The following KSR2 variants were observed in gnomAD, a reference collection of about 807,000 sequenced individuals.
The protein encoded by KSR2 is kinase suppressor of ras 2.
In KSR2, 25 loss-of-function variants were observed where a neutral mutation model predicts 107.8. The observed-to-expected ratio is 0.23, with a 90% CI of 0.17 to 0.32. The LOEUF is 0.32. Ranked by LOEUF, KSR2 falls within the 10% of genes least tolerant of loss-of-function variation. The probability of loss-of-function intolerance (pLI) is 1.00; values close to 1 mark genes in which losing one functional copy is unlikely to be tolerated. For synonymous variants in KSR2, 480 were observed against 507.0 expected (o/e 0.95, Z 0.71); for missense variants, 887 against 1,268.9 (o/e 0.70, Z 4.57).
chr12:117,529,839 C>A (rs1046511912), intron 12 of KSR2, among the ~76,000 whole-genome samples: 2 of 148,252 alleles, frequency 1.3e-5, no homozygotes, highest in African/African-American at 2.5e-5. Flanking sequence ...CCTGTCTCTA[C>A]AAAAATAAAA....
intron 5 of KSR2, among the ~76,000 whole-genome samples, chr12:117,614,925 T>C (rs1881791678): frequency 6.6e-6 from 1 of 152,144 alleles, no homozygotes; most frequent in African/African-American, 2.4e-5. Context: ...TGCTAAGACT[T>C]GGACTGAATT....
chr12:117,857,218 C>G (rs1040010641), intron 2 of KSR2, among the ~76,000 whole-genome samples: 2 of 152,090 alleles, frequency 1.3e-5, no homozygotes, highest in Non-Finnish European at 2.9e-5. Context: ...ACCAACATGC[C>G]TGGCTAATTT....
chr12:117,808,399 G>A (rs1381325301), intron 3 of KSR2, among the ~76,000 whole-genome samples: 2 of 152,016 alleles, frequency 1.3e-5, no homozygotes, highest in African/African-American at 4.8e-5. Context: ...ACCTCGATAA[G>A]TGGGAAATCA....
At chr12:117,899,173 A>G (rs75603823) in intron 1 of KSR2, among the ~76,000 whole-genome samples, 1,844 of 152,294 alleles carry the variant, frequency 0.012, 33 homozygotes, top group African/African-American at 0.042. Flanking sequence ...TACAACCGTG[A>G]AATAAACTGT....
intron 1 of KSR2, among the ~76,000 whole-genome samples, chr12:117,925,387 C>T (rs1390163490): frequency 1.3e-5 from 2 of 152,094 alleles, no homozygotes; most frequent in Non-Finnish European, 2.9e-5. Context: ...GCCTCCCAAA[C>T]TGCTGAGATT....
At chr12:117,690,030 G>C (rs1423325245) in intron 4 of KSR2, among the ~76,000 whole-genome samples, 1 of 151,792 alleles carries the variant, frequency 6.6e-6, no homozygotes, top group Non-Finnish European at 1.5e-5. Flanking sequence ...AAGGAGGGAA[G>C]AATGAATGGA....
rs374220992 is a variant in KSR2 at position 117,527,077 on chromosome 12, C to T, written c.1845G>A (p.Thr615=). ...ACTGCTCTCTGATTCTCACCTCCGA[C>T]GTTGGCTCCACTTCAATTTGAAGTA... ...NPLLQIEVEP[T]SENEEVHDEA... The change falls in exon 13 of 20, where the codon ACG becomes ACA. Residue 615 remains threonine, a synonymous_variant. Transcript: ENST00000339824. The T allele has an allele frequency of 1.2e-5, 20 of 1,613,538 alleles. No individual in the cohort carries two copies. In the Admixed American group the frequency reaches 1.3e-4, roughly 11 times the overall value.
At chr12:117,615,929 G>A (rs527682977) in intron 5 of KSR2, among the ~76,000 whole-genome samples, 1 of 152,260 alleles carries the variant, frequency 6.6e-6, no homozygotes, top group East Asian at 1.9e-4. Flanking sequence ...GAGACAGGTG[G>A]GTCACTTGAG....
intron 1 of KSR2, among the ~76,000 whole-genome samples, chr12:117,936,285 C>T (rs924540790): frequency 6.6e-6 from 1 of 151,986 alleles, no homozygotes; most frequent in African/African-American, 2.4e-5. Flanking sequence ...GCCTTGACCT[C>T]CCAAAGTGCT....
chr12:117,579,961 T>C (rs1323581276), intron 6 of KSR2, among the ~76,000 whole-genome samples: 3 of 152,128 alleles, frequency 2.0e-5, no homozygotes, highest in Non-Finnish European at 4.4e-5. Flanking sequence ...CCCCAAGAGA[T>C]ATGAGGCAGC....
At chr12:117,957,831 CTTTTT>C (rs566320050) in intron 1 of KSR2, among the ~76,000 whole-genome samples, 5 of 137,062 alleles carry the variant, frequency 3.6e-5, no homozygotes, top group African/African-American at 1.1e-4. Context: ...GGCTGACCAC[CTTTTT>C]TTTTTTTTTT....
rs542823613 is a variant in KSR2 at position 117,544,879 on chromosome 12, T to C, written c.1519-4992A>G. 2.0e-5 allele frequency among the ~76,000 whole-genome samples: 3 copies of C among 152,316 alleles called. No homozygotes were observed. In the South Asian group the frequency reaches 6.2e-4, roughly 32 times the overall value. On this transcript the variant is annotated intron_variant, in intron 9 of 19. Coordinates refer to ENST00000339824, the MANE Select transcript of KSR2 (RefSeq NM_173598.6). Reference sequence around the variant, plus strand: ...CTTCCAGCATTGTGTTGAATAAGAATGGTGAGAGTGGATGTCCTAGCTTGT... The same window carrying C: ...CTTCCAGCATTGTGTTGAATAAGAACGGTGAGAGTGGATGTCCTAGCTTGT...
At chr12:117,752,586 G>A (rs925342996) in intron 4 of KSR2, among the ~76,000 whole-genome samples, 18 of 152,118 alleles carry the variant, frequency 1.2e-4, no homozygotes, top group Non-Finnish European at 1.5e-4. Context: ...CTGTGACAAG[G>A]GAAATGGAGA....
intron 14 of KSR2, among the ~76,000 whole-genome samples, chr12:117,515,504 T>G (rs1444649637): frequency 6.6e-6 from 1 of 152,146 alleles, no homozygotes; most frequent in South Asian, 2.1e-4. Flanking sequence ...GTGAGTCAAA[T>G]AGCTGAGATC....
At chr12:117,554,612 G>A (rs1015482220) in intron 9 of KSR2, among the ~76,000 whole-genome samples, 2 of 152,110 alleles carry the variant, frequency 1.3e-5, no homozygotes, top group Non-Finnish European at 2.9e-5. Flanking sequence ...TTCTCGTGAT[G>A]GGGAATAAGC....
At chr12:117,649,251 C>T (rs1883785229) in intron 5 of KSR2, among the ~76,000 whole-genome samples, 1 of 152,180 alleles carries the variant, frequency 6.6e-6, no homozygotes, top group Non-Finnish European at 1.5e-5. Context: ...GGGCTTCTAA[C>T]CAACTCGACT....
chr12:117,755,791 T>G (rs12823440), intron 4 of KSR2, among the ~76,000 whole-genome samples: 1 of 152,130 alleles, frequency 6.6e-6, no homozygotes, highest in Admixed American at 6.5e-5. Flanking sequence ...TTATGCCAAA[T>G]GGTCAAGTTG....
intron 4 of KSR2, among the ~76,000 whole-genome samples, chr12:117,688,078 C>CT (rs528642674): frequency 7.9e-4 from 94 of 118,280 alleles, no homozygotes; most frequent in Middle Eastern, 4.8e-3. Context: ...GCTGAATTCC[C>CT]TTTTAAAAAA....
chr12:117,491,972 T>G (rs2137157163), intron 14 of KSR2, among the ~76,000 whole-genome samples: 1 of 152,326 alleles, frequency 6.6e-6, no homozygotes, highest in East Asian at 1.9e-4. Context: ...CAGCAGAAAG[T>G]GTTTTAGTGG....
Sources: gnomAD v4.1 joint callset for allele counts (sites outside exome capture counted in the v4.1 genomes callset) on GRCh38, gnomAD v4.1.1 for gene constraint, MANE v1.5 for transcripts, NCBI Gene and HGNC (gene_info 2026-07-23, HGNC 2026-07-21) for gene names.